Variants in GNA12 observed in about 807,000 individuals in gnomAD.
The protein encoded by GNA12 is guanine nucleotide-binding protein subunit alpha-12.
GNA12 carries 9 observed loss-of-function variants against 26.0 expected under a neutral mutation model. That is an observed-to-expected ratio of 0.35 (90% CI 0.21 to 0.60). The LOEUF (loss-of-function observed/expected upper bound fraction) is 0.60. GNA12 is among the 20% of genes least tolerant of loss of function. The pLI is 0.78. For synonymous variants in GNA12, 264 were observed against 219.6 expected (o/e 1.20, Z -1.79); for missense variants, 405 against 525.8 (o/e 0.77, Z 2.25).
At chr7:2,835,679 A>G in intron 1 of GNA12, 1 of 1,042,734 alleles carries the variant, frequency 9.6e-7, no homozygotes, top group Non-Finnish European at 1.5e-6. Flanking sequence ...TTCGAAGAGC[A>G]ACAAAAGATA....
At chr7:2,774,241 G>A (rs146305416) in intron 2 of GNA12, among the ~76,000 whole-genome samples, 1 of 152,062 alleles carries the variant, frequency 6.6e-6, no homozygotes, top group African/African-American at 2.4e-5. Flanking sequence ...TTCTATACAT[G>A]TATATGCATA....
At chr7:2,776,966 C>G (rs1283062859) in intron 2 of GNA12, among the ~76,000 whole-genome samples, 2 of 151,934 alleles carry the variant, frequency 1.3e-5, no homozygotes, top group Admixed American at 1.3e-4. Flanking sequence ...TAAGAATAAA[C>G]CTTACACTGG....
chr7:2,835,595 G>C, intron 1 of GNA12: 1 of 628,578 alleles, frequency 1.6e-6, no homozygotes, highest in South Asian at 1.8e-5. Flanking sequence ...AAGTCCCATT[G>C]TCTCATGCTG....
chr7:2,821,464 G>A (rs1334382272), intron 1 of GNA12, among the ~76,000 whole-genome samples: 3 of 152,206 alleles, frequency 2.0e-5, no homozygotes, highest in Admixed American at 6.5e-5. Flanking sequence ...AGAGAAGAAT[G>A]AATACAGAAC....
At chr7:2,794,808 C>T (rs78999582) in intron 2 of GNA12, 120 bp downstream of exon 2, 40 of 728,760 alleles carry the variant, frequency 5.5e-5, no homozygotes, top group East Asian at 3.4e-4. Context: ...TTACAACTTA[C>T]GGTGATTTAG....
intron 2 of GNA12, chr7:2,762,801 T>A (rs755231677): frequency 4.6e-6 from 7 of 1,534,356 alleles, no homozygotes; most frequent in Non-Finnish European, 5.3e-6. Flanking sequence ...GGAGGAGCAC[T>A]CAGGGCGGCC....
At chr7:2,767,734 G>A (rs1434071374) in intron 2 of GNA12, among the ~76,000 whole-genome samples, 1 of 152,172 alleles carries the variant, frequency 6.6e-6, no homozygotes, top group African/African-American at 2.4e-5. Flanking sequence ...TCAGATTTTG[G>A]AAAGATAACA....
intron 1 of GNA12, among the ~76,000 whole-genome samples, chr7:2,810,362 C>T (rs1318021028): frequency 6.6e-6 from 1 of 152,154 alleles, no homozygotes; most frequent in Non-Finnish European, 1.5e-5. Flanking sequence ...GATCTCATCA[C>T]TCCCCAAAGG....
intron 2 of GNA12, among the ~76,000 whole-genome samples, chr7:2,788,340 G>C (rs973752299): frequency 6.6e-6 from 1 of 152,104 alleles, no homozygotes; most frequent in South Asian, 2.1e-4. Flanking sequence ...CTGTGTTCCC[G>C]TTCAGGAGAC....
chr7:2,801,033 G>C (rs184551211), intron 1 of GNA12, among the ~76,000 whole-genome samples: 1 of 152,242 alleles, frequency 6.6e-6, no homozygotes, highest in Non-Finnish European at 1.5e-5. Flanking sequence ...TCTCTGGCGA[G>C]GTCTCGGGCA....
intron 2 of GNA12, among the ~76,000 whole-genome samples, chr7:2,736,733 A>G (rs1034320356): frequency 6.6e-6 from 1 of 152,200 alleles, no homozygotes; most frequent in African/African-American, 2.4e-5. Flanking sequence ...CGGTGGGAGA[A>G]AGACACACGC....
chr7:2,803,906 C>T (rs554523425), intron 1 of GNA12, among the ~76,000 whole-genome samples: 1 of 152,288 alleles, frequency 6.6e-6, no homozygotes, highest in South Asian at 2.1e-4. Context: ...TCAAAACTCA[C>T]AAGCCAGCAG....
Position 2,731,006 on chromosome 7 carries a change from T to C in GNA12, c.*175A>G. ...TCAGTAGCTAACGTGACAGTTTCCATGTCCTTTTGCCTAGAGCTCGCTGGC... is the reference window on the plus strand; with the variant it reads ...TCAGTAGCTAACGTGACAGTTTCCACGTCCTTTTGCCTAGAGCTCGCTGGC... On this transcript the variant is annotated 3_prime_UTR_variant, in exon 4 of 4. Coordinates refer to ENST00000275364, the MANE Select transcript of GNA12 (RefSeq NM_007353.3). The surrounding 1 kb of genome is among the most constrained non-coding windows in gnomAD (Gnocchi z 6.0). 1.8e-6 allele frequency: 1 copy of C among 544,950 alleles called. No individual in the cohort carries two copies. Among genetic ancestry groups the C allele is most frequent in the Non-Finnish European group, 3.3e-6 (1 of 304,750 alleles). 33.8% of individuals were successfully genotyped at this position (544,950 alleles called of 1,614,324 possible). A position where few individuals can be genotyped will look rare whatever the true frequency, so the allele number is the denominator to read the frequency against.
chr7:2,814,209 T>G, intron 1 of GNA12: 1 of 699,252 alleles, frequency 1.4e-6, no homozygotes, highest in Admixed American at 2.3e-5. Flanking sequence ...ATCATAAATC[T>G]CCTTTTATAC....
chr7:2,729,018 A>G lies in GNA12; in HGVS notation c.*2163T>C, dbSNP rs1562387650. The G allele has an allele frequency of 6.6e-6, 1 of 152,412 alleles. No individual in the cohort carries two copies. Among genetic ancestry groups the G allele is most frequent in the Non-Finnish European group, 1.5e-5 (1 of 68,050 alleles). 9.4% of individuals were successfully genotyped at this position (152,412 alleles called of 1,614,324 possible). On this transcript the variant is annotated 3_prime_UTR_variant, in exon 4 of 4. Coordinates refer to ENST00000275364, the MANE Select transcript of GNA12 (RefSeq NM_007353.3). Reference sequence around the variant, plus strand: ...TCATGCTTCTGGTTTGAAAGTGACGAGTAAATATGTCAGACTGTTTAAAGG... The same window carrying G: ...TCATGCTTCTGGTTTGAAAGTGACGGGTAAATATGTCAGACTGTTTAAAGG...
chr7:2,742,595 G>A lies in GNA12; in HGVS notation c.526-9094C>T, dbSNP rs189966874. ...CAAAGTGAAGAAAGCACTGAGTCTC[G>A]CCGGCCCTTTGCGTTTCCATATTAG... On this transcript the variant is annotated intron_variant, in intron 2 of 3. Transcript: ENST00000275364. Among the ~76,000 whole-genome samples the A allele has an allele frequency of 5.3e-5, 8 of 152,226 alleles. No individual in the cohort carries two copies. The East Asian group carries it at 9.7e-4, about 18-fold the overall frequency.
chr7:2,783,779 G>GATTCAAGCGATTCTCTTGCCTCAGC (rs1792293543), intron 2 of GNA12, among the ~76,000 whole-genome samples: 1 of 152,014 alleles, frequency 6.6e-6, no homozygotes, highest in South Asian at 2.1e-4. Flanking sequence ...GCGCCTCCTG[G>GATTCAAGCGATTCTCTTGCCTCAGC]ATTCAAGCGA....
At chr7:2,752,365 C>G (rs548594480) in intron 2 of GNA12, among the ~76,000 whole-genome samples, 1 of 152,182 alleles carries the variant, frequency 6.6e-6, no homozygotes, top group East Asian at 1.9e-4. Context: ...AGTACTTTCA[C>G]CCTAACACTG....
intron 2 of GNA12, among the ~76,000 whole-genome samples, chr7:2,778,547 G>T (rs927745228): frequency 2.0e-4 from 31 of 152,168 alleles, no homozygotes; most frequent in African/African-American, 7.2e-4. Flanking sequence ...GGTAATACAG[G>T]CCCCTACTTC....
Sources: gnomAD v4.1 joint callset for allele counts (sites outside exome capture counted in the v4.1 genomes callset) on GRCh38, gnomAD v4.1.1 for gene constraint, Gnocchi (gnomAD v3.1) non-coding constraint, MANE v1.5 for transcripts, NCBI Gene and HGNC (gene_info 2026-07-23, HGNC 2026-07-21) for gene names.